The following MOSMO variants were observed in gnomAD, a reference collection of about 807,000 sequenced individuals.
The protein encoded by MOSMO is modulator of smoothened protein.
Under a neutral mutation model 18.4 loss-of-function variants are expected in MOSMO, and 5 were observed. The observed-to-expected ratio is 0.27, with a 90% CI of 0.14 to 0.57. The LOEUF is 0.57. MOSMO is among the 20% of genes least tolerant of loss of function. MOSMO has a pLI of 0.92. For missense variants in MOSMO, 138 were observed against 211.8 expected (o/e 0.65, Z 2.16); for synonymous variants, 82 against 82.3 (o/e 1.00, Z 0.02).
At chr16:22,087,361 A>ATGTATT (rs1308958957), downstream of MOSMO, 1 of 152,178 alleles carries the variant, frequency 6.6e-6, no homozygotes, top group African/African-American at 2.4e-5. Context: ...TTTAGTAAAT[A>ATGTATT]TGGCCAGTGT....
At chr16:22,016,356 A>T (rs556020913) in intron 1 of MOSMO, among the ~76,000 whole-genome samples, 1 of 152,322 alleles carries the variant, frequency 6.6e-6, no homozygotes, top group South Asian at 2.1e-4. Context: ...TTTATTACAT[A>T]AAAGCTCAAA....
Position 22,083,303 on chromosome 16 carries a change from C to A in MOSMO, c.*2423C>A. 1 of 155,016 alleles carries A rather than the reference C, an allele frequency of 6.5e-6. No homozygotes were observed. Among genetic ancestry groups the A allele is most frequent in the South Asian group, 2.0e-4 (1 of 5,120 alleles). 9.6% of individuals were successfully genotyped at this position (155,016 alleles called of 1,614,324 possible). On this transcript the variant is annotated 3_prime_UTR_variant, in exon 3 of 3. Coordinates refer to ENST00000542527, the MANE Select transcript of MOSMO (RefSeq NM_001164579.2). ...TTTTATTTGTATCTATTACCCAAACCATTAAATTGTCTTTAATTTCATTGT... is the reference window on the plus strand; with the variant it reads ...TTTTATTTGTATCTATTACCCAAACAATTAAATTGTCTTTAATTTCATTGT...
chr16:22,047,185 C>G (rs1900326066), intron 1 of MOSMO, among the ~76,000 whole-genome samples: 1 of 149,062 alleles, frequency 6.7e-6, no homozygotes, highest in African/African-American at 2.5e-5. Context: ...CTTTCCACGT[C>G]AATATACACA....
downstream of MOSMO, chr16:22,086,331 C>A (rs141990960): frequency 6.6e-6 from 1 of 152,340 alleles, no homozygotes; most frequent in Non-Finnish European, 1.5e-5. Flanking sequence ...TCTGTTCAGT[C>A]ATTTCCCACC....
chr16:22,009,710 C>T (rs1441117541), intron 1 of MOSMO, among the ~76,000 whole-genome samples: 1 of 149,632 alleles, frequency 6.7e-6, no homozygotes. Flanking sequence ...CCTGTAATCC[C>T]AGCACTTTGG....
rs186539168 is a variant in MOSMO at position 22,072,763 on chromosome 16, C to T, written c.107-2724C>T. Reference sequence around the variant, plus strand: ...GGAGGCGGAGCTTGCCGTGATATCGCGCCACTGCACTCCAGCCTGGGTGAC... The same window carrying T: ...GGAGGCGGAGCTTGCCGTGATATCGTGCCACTGCACTCCAGCCTGGGTGAC... On this transcript the variant is annotated intron_variant, in intron 1 of 2. Coordinates refer to ENST00000542527, the MANE Select transcript of MOSMO (RefSeq NM_001164579.2). 1.5e-3 allele frequency among the ~76,000 whole-genome samples: 224 copies of T among 150,314 alleles called. 1 individual carries two copies. The highest frequency in any genetic ancestry group is 5.4e-3 in the African/African-American group (218 of 40,706).
chr16:22,021,454 A>G (rs1048173453), intron 1 of MOSMO, among the ~76,000 whole-genome samples: 9 of 152,156 alleles, frequency 5.9e-5, no homozygotes, highest in Admixed American at 5.9e-4. Flanking sequence ...CTTGAAAATA[A>G]AAGTGAGTGT....
At chr16:22,019,230 G>T (rs1051467418) in intron 1 of MOSMO, among the ~76,000 whole-genome samples, 6 of 152,096 alleles carry the variant, frequency 3.9e-5, no homozygotes, top group Admixed American at 2.0e-4. Flanking sequence ...ATACTTTCTG[G>T]CCTTAGATCC....
chr16:22,012,080 G>A (rs953695590), intron 1 of MOSMO, among the ~76,000 whole-genome samples: 2 of 152,150 alleles, frequency 1.3e-5, no homozygotes, highest in Admixed American at 1.3e-4. Flanking sequence ...AAAAGTTAAT[G>A]TGTTGGTTCC....
intron 1 of MOSMO, among the ~76,000 whole-genome samples, chr16:22,041,612 C>G (rs995299879): frequency 6.6e-6 from 1 of 151,884 alleles, no homozygotes; most frequent in African/African-American, 2.4e-5. Context: ...TTTTAAAAAC[C>G]AAAGTAAAGG....
chr16:22,009,541 TG>T (rs1899473747), intron 1 of MOSMO, among the ~76,000 whole-genome samples: 3 of 152,070 alleles, frequency 2.0e-5, no homozygotes, highest in Non-Finnish European at 4.4e-5. Flanking sequence ...CCTTAATTAA[TG>T]TAAACAGCTG....
chr16:22,036,794 C>G (rs1052953362), intron 1 of MOSMO, among the ~76,000 whole-genome samples: 1 of 152,124 alleles, frequency 6.6e-6, no homozygotes, highest in Non-Finnish European at 1.5e-5. Flanking sequence ...TTCTGAAGGG[C>G]CTTTTACACT....
intron 1 of MOSMO, among the ~76,000 whole-genome samples, chr16:22,062,732 A>G (rs942922212): frequency 6.6e-6 from 1 of 152,164 alleles, no homozygotes; most frequent in Non-Finnish European, 1.5e-5. Context: ...CTCTGTATAC[A>G]TTCTCTCTCT....
chr16:22,082,474 CT>C lies in MOSMO; in HGVS notation c.*1597del, dbSNP rs1901100790. 6.6e-6 allele frequency: 1 copy of C among 152,142 alleles called. No individual in the cohort carries two copies. Among genetic ancestry groups the C allele is most frequent in the African/African-American group, 2.4e-5 (1 of 41,426 alleles). 9.4% of individuals were successfully genotyped at this position (152,142 alleles called of 1,614,324 possible). On this transcript the variant is annotated 3_prime_UTR_variant, in exon 3 of 3. Coordinates refer to ENST00000542527, the MANE Select transcript of MOSMO (RefSeq NM_001164579.2). ...ATGGCAGTGGAGCTAAGTTTCTCCT[CT>C]TTATAGTGAACTGGTGACCCAAATG...
At chr16:22,026,076 A>G (rs139584801) in intron 1 of MOSMO, among the ~76,000 whole-genome samples, 1 of 152,242 alleles carries the variant, frequency 6.6e-6, no homozygotes, top group African/African-American at 2.4e-5. Flanking sequence ...GATGACCTAG[A>G]TGACCTAACA....
intron 1 of MOSMO, among the ~76,000 whole-genome samples, chr16:22,034,512 A>G (rs751120734): frequency 2.6e-5 from 4 of 152,094 alleles, no homozygotes; most frequent in Non-Finnish European, 5.9e-5. Flanking sequence ...TTCTTTCAAC[A>G]CTTAAAATAT....
intron 2 of MOSMO, among the ~76,000 whole-genome samples, chr16:22,078,035 T>A (rs975372970): frequency 3.2e-4 from 49 of 152,188 alleles, no homozygotes; most frequent in African/African-American, 1.2e-3. Flanking sequence ...TGGGGAAATA[T>A]GTCTCAGAGA....
intron 1 of MOSMO, among the ~76,000 whole-genome samples, chr16:22,053,224 A>G (rs1366887240): frequency 2.6e-5 from 4 of 151,416 alleles, no homozygotes; most frequent in East Asian, 1.9e-4. Context: ...CCACCTCCCA[A>G]CGTGCTGGGA....
At chr16:22,041,730 G>T (rs1900213706) in intron 1 of MOSMO, among the ~76,000 whole-genome samples, 1 of 151,824 alleles carries the variant, frequency 6.6e-6, no homozygotes, top group South Asian at 2.1e-4. Flanking sequence ...GCCCAGGCTG[G>T]GCAGTTGCTC....
Sources: gnomAD v4.1 joint callset for allele counts (sites outside exome capture counted in the v4.1 genomes callset) on GRCh38, gnomAD v4.1.1 for gene constraint, MANE v1.5 for transcripts, NCBI Gene and HGNC (gene_info 2026-07-23, HGNC 2026-07-21) for gene names.